Variants in THBS4 observed in about 807,000 individuals in gnomAD.
THBS4 encodes the protein thrombospondin 4.
In THBS4, 90 loss-of-function variants were observed where a neutral mutation model predicts 115.7. The ratio of observed to expected loss-of-function variants is 0.78; its 90% CI spans 0.66 to 0.93. THBS4 has a LOEUF of 0.93. THBS4 is among the 40% of genes least tolerant of loss of function. THBS4 has a pLI of 0.00. For missense variants in THBS4, 1,087 were observed against 1,232.7 expected (o/e 0.88, Z 1.77); for synonymous variants, 460 against 479.3 (o/e 0.96, Z 0.53).
upstream of THBS4, among the ~76,000 whole-genome samples, chr5:80,034,635 G>C (rs1832652136): frequency 6.6e-6 from 1 of 152,174 alleles, no homozygotes; most frequent in Admixed American, 6.5e-5. Flanking sequence ...TGGGCAAGCA[G>C]GGCGTTTGGA....
intron 2 of THBS4, among the ~76,000 whole-genome samples, chr5:80,053,923 G>A (rs1484672706): frequency 6.6e-6 from 1 of 152,064 alleles, no homozygotes; most frequent in African/African-American, 2.4e-5. Flanking sequence ...CTTAGCCAAT[G>A]GGCTCCACTC....
At chr5:79,995,666 C>T (rs149419819) in intron 1 of THBS4, among the ~76,000 whole-genome samples, 140 of 152,250 alleles carry the variant, frequency 9.2e-4, no homozygotes, top group African/African-American at 3.3e-3. Context: ...GGAGCTTGAG[C>T]AGCGGGGCTG....
At chr5:80,024,866 C>T (rs1431846806) in intron 2 of THBS4, among the ~76,000 whole-genome samples, 1 of 152,212 alleles carries the variant, frequency 6.6e-6, no homozygotes, top group Non-Finnish European at 1.5e-5. Flanking sequence ...GACATTCACT[C>T]TCCCTAAGGC....
chr5:80,013,063 C>G (rs1333606493), intron 2 of THBS4, among the ~76,000 whole-genome samples: 1 of 152,200 alleles, frequency 6.6e-6, no homozygotes, highest in Non-Finnish European at 1.5e-5. Flanking sequence ...AAGGGATCCT[C>G]AAAACAAGGC....
chr5:80,056,233 G>A (rs930972880), intron 3 of THBS4, among the ~76,000 whole-genome samples: 5 of 152,108 alleles, frequency 3.3e-5, no homozygotes, highest in Non-Finnish European at 7.4e-5. Context: ...GTCGGGTGGG[G>A]CCTAGCATAT....
intron 2 of THBS4, among the ~76,000 whole-genome samples, chr5:80,050,542 A>G (rs567594183): frequency 8.9e-4 from 135 of 152,296 alleles, no homozygotes; most frequent in Middle Eastern, 6.8e-3. Context: ...AGGCTTTACA[A>G]TAGTGATGTT....
chr5:80,040,237 C>T lies in THBS4; in HGVS notation c.249C>T (p.Asn83=), dbSNP rs1264574041. 1.2e-6 allele frequency: 2 copies of T among 1,614,052 alleles called. No individual in the cohort carries two copies. Among genetic ancestry groups the T allele is most frequent in the Middle Eastern group, 1.6e-4 (1 of 6,062 alleles). ...TIFGLYSSTD[N]SKYFEFTVMG... ...TCGGTCTTTACTCTTCAACTGACAACAGTAAATATTTTGAATTTACTGTGA... is the reference window on the plus strand; with the variant it reads ...TCGGTCTTTACTCTTCAACTGACAATAGTAAATATTTTGAATTTACTGTGA... Residue 83 remains asparagine (N), a synonymous_variant, in exon 2 of 22, where the codon AAC becomes AAT. Coordinates refer to ENST00000350881, the MANE Select transcript of THBS4 (RefSeq NM_003248.6).
Position 80,055,816 on chromosome 5 carries a change from G to A in THBS4, c.324G>A (p.Lys108=). 2 of 1,613,902 alleles carry A rather than the reference G, an allele frequency of 1.2e-6. No homozygotes were observed. Among genetic ancestry groups the A allele is most frequent in the Non-Finnish European group, 1.7e-6 (2 of 1,179,798 alleles). Reference sequence around the variant, plus strand: ...TCCGTTACCTGAAGAACGATGGGAAGGTGCATTTGGTGGTTTTCAACAACC... The same window carrying A: ...TCCGTTACCTGAAGAACGATGGGAAAGTGCATTTGGTGGTTTTCAACAACC... ...AILRYLKNDG[K]VHLVVFNNLQ... The change falls in exon 3 of 22, where the codon AAG becomes AAA. Residue 108 remains lysine (K), a synonymous_variant. Transcript: ENST00000350881.
At chr5:80,001,325 T>C (rs970195216) in intron 2 of THBS4, among the ~76,000 whole-genome samples, 1 of 152,224 alleles carries the variant, frequency 6.6e-6, no homozygotes, top group African/African-American at 2.4e-5. Context: ...ATTGAATTCT[T>C]CCTCACAATA....
intron 15 of THBS4, among the ~76,000 whole-genome samples, chr5:80,073,685 G>A (rs974016747): frequency 2.0e-5 from 3 of 152,092 alleles, no homozygotes; most frequent in Admixed American, 6.6e-5. Context: ...TGCCCAGCCC[G>A]GAGAGGGTTT....
chr5:80,074,012 T>C (rs966151940), intron 15 of THBS4, among the ~76,000 whole-genome samples: 12 of 152,188 alleles, frequency 7.9e-5, no homozygotes, highest in African/African-American at 2.9e-4. Context: ...AATTTTCTCA[T>C]CTGTAAAATG....
At position 80,018,463 on chromosome 5, in the gene THBS4, C is replaced by T. The variant is rs1481641389; in HGVS notation, n.177+20036C>T. 1.3e-4 allele frequency among the ~76,000 whole-genome samples: 18 copies of T among 139,902 alleles called. 1 individual carries two copies. The highest frequency in any genetic ancestry group is 8.8e-3 in the Middle Eastern group (2 of 228). The allele number at this position is 139,902 out of a possible 152,430, so 91.8% of individuals were successfully genotyped here. A position where few individuals can be genotyped will look rare whatever the true frequency, so the allele number is the denominator to read the frequency against. On this transcript the variant is annotated intron_variant and non_coding_transcript_variant, in intron 2 of 3. Coordinates refer to the THBS4 transcript ENST00000510218. The stretch of plus-strand genomic sequence containing the variant: ...AGGCTGGAGTGCAATGGCATGATCT[C>T]GGCTCACTGCAACCTCTGCCTCCTG...
intron 9 of THBS4, among the ~76,000 whole-genome samples, chr5:80,065,984 A>G (rs2112118321): frequency 6.6e-6 from 1 of 151,350 alleles, no homozygotes; most frequent in Non-Finnish European, 1.5e-5. Flanking sequence ...AGTCCCAGCT[A>G]CTCTGGAGGC....
rs750075120 is a variant in THBS4, at chr5:80,017,447, G to A, written n.177+19020G>A. 1.7e-4 allele frequency among the ~76,000 whole-genome samples: 26 copies of A among 151,792 alleles called. 1 individual carries two copies. The highest frequency in any genetic ancestry group is 9.2e-4 in the Admixed American group (14 of 15,248). On this transcript the variant is annotated intron_variant and non_coding_transcript_variant, in intron 2 of 3. Coordinates refer to the THBS4 transcript ENST00000510218. ...ATGCATCCTCTGTCTATTCATTTGA[G>A]GTTAACCCAAATATTTTAATATTTA...
At position 80,078,963 on chromosome 5, in the gene THBS4, G is replaced by A. The variant is rs1452469142; in HGVS notation, c.2308G>A (p.Ala770Thr). The change falls in exon 18 of 22, where the codon GCA (alanine) becomes ACA (threonine). Residue 770 changes from alanine to threonine, a missense_variant. By Grantham distance (58) the Ala-to-Thr change is moderately conservative (BLOSUM62 0). Coordinates refer to ENST00000350881, the MANE Select transcript of THBS4 (RefSeq NM_003248.6). The stretch of plus-strand genomic sequence containing the variant: ...GACCATGAACAGTGATCCTGGCCTG[G>A]CAGTGGGTATGTCCAGGGCCTCAGT... The part of the protein sequence containing the change: ...VQTMNSDPGL[A>T]VGYTAFNGVD... 33 of 1,613,996 alleles carry A rather than the reference G, an allele frequency of 2.0e-5. No homozygotes were observed. The East Asian group carries it at 6.9e-4, about 34-fold the overall frequency.
At chr5:79,992,483 A>T (rs1341329352) in intron 1 of THBS4, among the ~76,000 whole-genome samples, 1 of 152,242 alleles carries the variant, frequency 6.6e-6, no homozygotes, top group Non-Finnish European at 1.5e-5. Context: ...CCAGCCTGCT[A>T]AAGTCTTTTT....
intron 3 of THBS4, among the ~76,000 whole-genome samples, chr5:80,057,756 A>G (rs1439985915): frequency 6.6e-6 from 1 of 152,246 alleles, no homozygotes; most frequent in Non-Finnish European, 1.5e-5. Context: ...ATCATAGAAG[A>G]TATCATTTAT....
intron 13 of THBS4, chr5:80,071,683 C>T (rs1561324589): frequency 6.1e-6 from 1 of 163,756 alleles, no homozygotes; most frequent in African/African-American, 2.4e-5. Flanking sequence ...CACACACACA[C>T]ACATACACCA....
At chr5:79,991,375 G>A (rs1268464017) in exon 1 of THBS4, 25 of 779,210 alleles carry the variant, frequency 3.2e-5, no homozygotes, top group Non-Finnish European at 4.8e-5. Flanking sequence ...CGACTGGAGG[G>A]ATTAAGAAGA....
Sources: gnomAD v4.1 joint callset for allele counts (sites outside exome capture counted in the v4.1 genomes callset) on GRCh38, gnomAD v4.1.1 for gene constraint, MANE v1.5 for transcripts, NCBI Gene and HGNC (gene_info 2026-07-23, HGNC 2026-07-21) for gene names.